SLC22A23: variants seen among roughly 807,000 people sequenced by gnomAD.
SLC22A23 encodes solute carrier family 22 member 23, also known as ion transporter protein.
Under a neutral mutation model 61.0 loss-of-function variants are expected in SLC22A23, and 26 were observed. The ratio of observed to expected loss-of-function variants is 0.43; its 90% CI spans 0.31 to 0.59. SLC22A23 has a LOEUF of 0.59. SLC22A23 is among the 20% of genes least tolerant of loss of function. SLC22A23 has a pLI of 0.11. For missense variants in SLC22A23, 796 were observed against 934.7 expected, an observed-to-expected ratio of 0.85 and a Z score of 1.94; for synonymous variants, 430 against 413.9, an observed-to-expected ratio of 1.04 and a Z score of -0.47.
In SLC22A23 at chr6:3,319,955, C is replaced by T. The variant is rs530731870; in HGVS notation, c.1082+3879G>A. Among the ~76,000 whole-genome samples the T allele has an allele frequency of 7.2e-5, 11 of 152,328 alleles. No homozygotes were observed. The East Asian group carries it at 1.7e-3, about 24-fold the overall frequency. On this transcript the variant is annotated intron_variant, in intron 4 of 9. Coordinates refer to ENST00000406686, the MANE Select transcript of SLC22A23 (RefSeq NM_015482.2). ...CTTCTGCCCACGGTCCAAGGCAGTC[C>T]GCCAGCTCTGGGCTGAGTCCCTGTG...
At chr6:3,416,688 G>T (rs913535) in intron 1 of SLC22A23, among the ~76,000 whole-genome samples, 81,732 of 152,122 alleles carry the variant, frequency 0.54, 22,193 homozygotes, top group South Asian at 0.73. Flanking sequence ...ACATAAGCAG[G>T]GTCCCTGCTG....
At position 3,286,347 on chromosome 6, in the gene SLC22A23, G is replaced by A. The variant is rs369150811; in HGVS notation, c.1546+512C>T. On this transcript the variant is annotated intron_variant, in intron 7 of 9. Transcript: ENST00000406686. This position sits in a 1 kb window ranked among gnomAD's most constrained non-coding sequence, Gnocchi z 4.2. ...GAACTCCTGACCTCATGATCCGACC[G>A]CCTCAGCCTCCCAAAGTGCTGGGAT... Among the ~76,000 whole-genome samples the A allele has an allele frequency of 2.1e-4, 32 of 152,180 alleles. 1 individual carries two copies. Among genetic ancestry groups the A allele is most frequent in the African/African-American group, 7.2e-4 (30 of 41,530 alleles).
rs1372910837 is a variant in SLC22A23 at position 3,271,261 on chromosome 6, A to C, written c.*1794T>G. Reference sequence around the variant, plus strand: ...GAGGAGCTGGACGTGGAGCAAGTGGAGGCAGGGAGAGGCTGGCCAGACAGC... The same window carrying C: ...GAGGAGCTGGACGTGGAGCAAGTGGCGGCAGGGAGAGGCTGGCCAGACAGC... On this transcript the variant is annotated 3_prime_UTR_variant, in exon 10 of 10. Coordinates refer to ENST00000406686, the MANE Select transcript of SLC22A23 (RefSeq NM_015482.2). The C allele has an allele frequency of 1.3e-5, 2 of 152,314 alleles. No homozygotes were observed. The highest frequency in any genetic ancestry group is 2.9e-5 in the Non-Finnish European group (2 of 68,032). 9.4% of individuals were successfully genotyped at this position (152,314 alleles called of 1,614,324 possible).
At chr6:3,336,449 G>A (rs1031881558) in intron 3 of SLC22A23, among the ~76,000 whole-genome samples, 1 of 152,162 alleles carries the variant, frequency 6.6e-6, no homozygotes, top group South Asian at 2.1e-4. Context: ...AAAATGCTAC[G>A]TCAGTCCAAA....
Position 3,360,098 on chromosome 6 carries a change from G to A in SLC22A23, c.914-36096C>T, listed in dbSNP as rs976076145. Among the ~76,000 whole-genome samples, 4 of 152,092 alleles carry A rather than the reference G, an allele frequency of 2.6e-5. No individual in the cohort carries two copies. The highest frequency in any genetic ancestry group is 6.5e-5 in the Admixed American group (1 of 15,282). On this transcript the variant is annotated intron_variant, in intron 3 of 9. Coordinates refer to ENST00000406686, the MANE Select transcript of SLC22A23 (RefSeq NM_015482.2). The surrounding 1 kb of genome is among the most constrained non-coding windows in gnomAD (Gnocchi z 4.6). ...ACAGAAAGTAGAAGGGTGGCTGCTC[G>A]GGACTAAGGGATGGGAATGGGGAGT...
chr6:3,324,092 C>T lies in SLC22A23; in HGVS notation c.914-90G>A. On this transcript the variant is annotated intron_variant, in intron 3 of 9. Transcript: ENST00000406686. The surrounding 1 kb of genome is among the most constrained non-coding windows in gnomAD (Gnocchi z 4.3). ...GCACCTGGGCCAGTGCACTGCTTAA[C>T]CCACCAACGACTGAAATTGTTTTCA... 6.8e-7 allele frequency: 1 copy of T among 1,471,688 alleles called. No individual in the cohort carries two copies. The highest frequency in any genetic ancestry group is 9.3e-7 in the Non-Finnish European group (1 of 1,076,740). 91.2% of individuals were successfully genotyped at this position (1,471,688 alleles called of 1,614,324 possible).
intron 1 of SLC22A23, among the ~76,000 whole-genome samples, chr6:3,446,919 C>T (rs1164720849): frequency 1.3e-5 from 2 of 152,192 alleles, no homozygotes; most frequent in African/African-American, 2.4e-5. Flanking sequence ...TCTGCCTCCC[C>T]GTCAGCCCTG....
At chr6:3,350,557 C>A (rs1218116296) in intron 3 of SLC22A23, among the ~76,000 whole-genome samples, 1 of 152,168 alleles carries the variant, frequency 6.6e-6, no homozygotes, top group Non-Finnish European at 1.5e-5. Flanking sequence ...GGGGCAGAGA[C>A]CGTATGGCCT....
At chr6:3,413,203 CG>C (rs1266834074) in intron 2 of SLC22A23, among the ~76,000 whole-genome samples, 1 of 152,122 alleles carries the variant, frequency 6.6e-6, no homozygotes, top group Non-Finnish European at 1.5e-5. Flanking sequence ...TTTGACCTTG[CG>C]GCTCTCGACA....
chr6:3,447,587 T>C lies in SLC22A23; in HGVS notation c.654+8319A>G, dbSNP rs934992999. Among the ~76,000 whole-genome samples the C allele has an allele frequency of 1.8e-4, 26 of 145,980 alleles. 1 individual carries two copies. The highest frequency in any genetic ancestry group is 4.8e-4 in the African/African-American group (19 of 39,376). On this transcript the variant is annotated intron_variant, in intron 1 of 9. Transcript: ENST00000406686. ...AGGAGAGAGGAAAGAAACTTTCTTT[T>C]TTTTTTTTTTTTTTTGTCTGAGACA...
chr6:3,416,054 C>T (rs778093270), intron 1 of SLC22A23, among the ~76,000 whole-genome samples, 199 bp from the exon 2 acceptor site: 4 of 152,210 alleles, frequency 2.6e-5, no homozygotes, highest in African/African-American at 4.8e-5. Context: ...GGAAATGTAA[C>T]ATTTTAGTCT....
chr6:3,289,710 AC>A, intron 6 of SLC22A23, 53 bp downstream of exon 6: 2 of 1,487,354 alleles, frequency 1.3e-6, no homozygotes, highest in Non-Finnish European at 1.9e-6. Context: ...ACCACTCCCC[AC>A]CTTCTTCCCT....
At chr6:3,326,540 G>A (rs750248689) in intron 3 of SLC22A23, among the ~76,000 whole-genome samples, 3 of 152,032 alleles carry the variant, frequency 2.0e-5, no homozygotes, top group Non-Finnish European at 2.9e-5. Flanking sequence ...AGCTGGAGAA[G>A]TGGAATAATT....
chr6:3,287,121 G>A, intron 6 of SLC22A23, 30 bp from the exon 7 acceptor site: 1 of 1,603,050 alleles, frequency 6.2e-7, no homozygotes. Flanking sequence ...GGCAGTGGGT[G>A]GGCTGCCCCC....
chr6:3,364,160 T>C (rs1464897743), intron 3 of SLC22A23, among the ~76,000 whole-genome samples: 1 of 152,242 alleles, frequency 6.6e-6, no homozygotes, highest in Non-Finnish European at 1.5e-5. Flanking sequence ...CACACAAATA[T>C]GCAATATTGT....
chr6:3,406,534 GTGTGTGTGTGTGTGCGCGCA>G (rs1292246440), intron 3 of SLC22A23, among the ~76,000 whole-genome samples: 3 of 54,888 alleles, frequency 5.5e-5, no homozygotes, highest in Non-Finnish European at 1.1e-4. Flanking sequence ...GCCTGTGTGT[GTGTGTGTGTGTGTGCGCGCA>G]TGTGTGTGTG....
intron 3 of SLC22A23, among the ~76,000 whole-genome samples, chr6:3,383,786 G>A (rs1264952292): frequency 6.6e-6 from 1 of 152,256 alleles, no homozygotes; most frequent in Non-Finnish European, 1.5e-5. Context: ...GTGAGGTGGG[G>A]GCGGGCGACG....
At chr6:3,403,548 C>A (rs1768581144) in intron 3 of SLC22A23, among the ~76,000 whole-genome samples, 1 of 152,192 alleles carries the variant, frequency 6.6e-6, no homozygotes, top group South Asian at 2.1e-4. Context: ...AGCATCTCTT[C>A]CCAGCTCACT....
intron 1 of SLC22A23, among the ~76,000 whole-genome samples, chr6:3,434,102 T>A (rs185069026): frequency 6.6e-6 from 1 of 151,874 alleles, no homozygotes; most frequent in East Asian, 1.9e-4. Flanking sequence ...TCACCTGGGG[T>A]CAGGAGTTCG....
Sources: gnomAD v4.1 joint callset for allele counts (sites outside exome capture counted in the v4.1 genomes callset) on GRCh38, gnomAD v4.1.1 for gene constraint, Gnocchi (gnomAD v3.1) non-coding constraint, MANE v1.5 for transcripts, NCBI Gene and HGNC (gene_info 2026-07-23, HGNC 2026-07-21) for gene names.